MEF2D: variants seen among roughly 807,000 people sequenced by gnomAD.
MEF2D encodes myocyte-specific enhancer factor 2D.
Under a neutral mutation model 59.3 loss-of-function variants are expected in MEF2D, and 10 were observed. The observed-to-expected ratio is 0.17, with a 90% CI of 0.10 to 0.29. The LOEUF (loss-of-function observed/expected upper bound fraction) is 0.29. Among genes scored for constraint, MEF2D ranks in the 10% least tolerant of loss-of-function variants. The pLI is 1.00. For missense variants in MEF2D, 508 were observed against 699.4 expected (o/e 0.73, Z 3.09); for synonymous variants, 305 against 295.0 (o/e 1.03, Z -0.35).
At chr1:156,486,646 A>G (rs1414413642) in intron 1 of MEF2D, among the ~76,000 whole-genome samples, 1 of 152,138 alleles carries the variant, frequency 6.6e-6, no homozygotes, top group Admixed American at 6.5e-5. Context: ...TGTTCTCATG[A>G]CCCTCAGAAA....
At chr1:156,498,118 A>AAAC (rs1045584673) in intron 1 of MEF2D, among the ~76,000 whole-genome samples, 1 of 151,042 alleles carries the variant, frequency 6.6e-6, no homozygotes, top group African/African-American at 2.4e-5. Flanking sequence ...AAAAAAAAAA[A>AAAC]AAAAAAAAAC....
intron 1 of MEF2D, among the ~76,000 whole-genome samples, chr1:156,492,815 C>T (rs981093694): frequency 3.9e-5 from 6 of 152,132 alleles, no homozygotes; most frequent in African/African-American, 9.7e-5. Flanking sequence ...GCCTTGGGGG[C>T]GGGTCAGCTT....
intron 1 of MEF2D, chr1:156,499,418 T>TGA (rs1202844876): frequency 6.6e-6 from 1 of 151,856 alleles, no homozygotes; most frequent in Non-Finnish European, 1.5e-5. Context: ...AGGCTCCCAT[T>TGA]CAGAAGGGCA....
chr1:156,474,640 C>T (rs1450261388), intron 9 of MEF2D, among the ~76,000 whole-genome samples: 1 of 151,218 alleles, frequency 6.6e-6, no homozygotes, highest in East Asian at 2.0e-4. Flanking sequence ...GAGACCTTGT[C>T]TGTACAAAAA....
chr1:156,480,712 G>T, intron 4 of MEF2D, 122 bp downstream of exon 4: 2 of 1,609,980 alleles, frequency 1.2e-6, no homozygotes, highest in Middle Eastern at 1.7e-4. Context: ...CTTCCGTCTG[G>T]GGGGTCAGGG....
At chr1:156,489,249 TC>T (rs1672585621) in intron 1 of MEF2D, among the ~76,000 whole-genome samples, 1 of 151,926 alleles carries the variant, frequency 6.6e-6, no homozygotes, top group African/African-American at 2.4e-5. Flanking sequence ...TCCCGCCCCT[TC>T]CCTGTGGCTG....
At position 156,464,993 on chromosome 1, in the gene MEF2D, T is replaced by G. The variant is rs1187024157; in HGVS notation, c.*2652A>C. On this transcript the variant is annotated 3_prime_UTR_variant, in exon 12 of 12. Transcript: ENST00000348159. ...AACTATTCACCCATTCAGCATTTAT[T>G]GAGTGCCTACTATGTGCCAGGCACT... 6.6e-6 allele frequency: 1 copy of G among 152,298 alleles called. No homozygotes were observed. The highest frequency in any genetic ancestry group is 2.4e-5 in the African/African-American group (1 of 41,468). 9.4% of individuals were successfully genotyped at this position (152,298 alleles called of 1,614,324 possible).
At position 156,468,400 on chromosome 1, in the gene MEF2D, G is replaced by C. The variant is rs1352687190; in HGVS notation, c.1248-101C>G. The stretch of plus-strand genomic sequence containing the variant: ...CCAGACAGAAAGTGAGAGAGAACAA[G>C]AGGATGAGAATATGGGGGATGGGGT... On this transcript the variant is annotated intron_variant, in intron 10 of 11. Coordinates refer to ENST00000348159, the MANE Select transcript of MEF2D (RefSeq NM_005920.4). The surrounding 1 kb of genome is among the most constrained non-coding windows in gnomAD (Gnocchi z 4.3). The C allele has an allele frequency of 1.1e-6, 1 of 876,914 alleles. No homozygotes were observed. Among genetic ancestry groups the C allele is most frequent in the East Asian group, 2.6e-5 (1 of 38,246 alleles). 54.3% of individuals were successfully genotyped at this position (876,914 alleles called of 1,614,324 possible).
chr1:156,499,926 G>A (rs1389529676), intron 1 of MEF2D, among the ~76,000 whole-genome samples: 1 of 151,688 alleles, frequency 6.6e-6, no homozygotes, highest in East Asian at 1.9e-4. Context: ...CCACTACCCC[G>A]GTGTCATCTG....
rs769303264 is a variant in MEF2D, at chr1:156,468,336, A to G, written c.1248-37T>C. 11 of 1,441,164 alleles carry G rather than the reference A, an allele frequency of 7.6e-6. No individual in the cohort carries two copies. The highest frequency in any genetic ancestry group is 1.0e-5 in the Non-Finnish European group (11 of 1,064,584). 89.3% of individuals were successfully genotyped at this position (1,441,164 alleles called of 1,614,324 possible). On this transcript the variant is annotated intron_variant, in intron 10 of 11. Transcript: ENST00000348159. The surrounding 1 kb of genome is among the most constrained non-coding windows in gnomAD (Gnocchi z 4.3). ...CAATGGAAATGGGGTACAAGGGATA[A>G]AAACAGAGGGGGTGAGTGACAGAAC...
At position 156,487,681 on chromosome 1, in the gene MEF2D, A is replaced by G. The variant is rs368838876; in HGVS notation, c.-138-4251T>C. On this transcript the variant is annotated intron_variant, in intron 1 of 11. Transcript: ENST00000348159. ...CCTAGCTAAACTTCCCTCCTACCCA[A>G]TTAGGGAGGTTTTAATGAACACCTG... 1.2e-4 allele frequency among the ~76,000 whole-genome samples: 19 copies of G among 152,208 alleles called. No homozygotes were observed. In the East Asian group the frequency reaches 2.1e-3, roughly 17 times the overall value.
At chr1:156,474,983 G>C in intron 9 of MEF2D, 125 bp downstream of exon 9, 4 of 1,374,318 alleles carry the variant, frequency 2.9e-6, no homozygotes, top group South Asian at 2.7e-5. Context: ...AAGTAGGTGG[G>C]GGTTCCCCCA....
Position 156,475,157 on chromosome 1 carries a change from T to G in MEF2D, c.957A>C (p.Leu319Phe), listed in dbSNP as rs763010660. The part of the protein sequence containing the change: ...TPVVSVATPS[L>F]LSQGLPFSSM... ...AAGAGAAGGGGAGGCCCTGGCTGAG[T>G]AAACTCGGCGTTGCCACAGAAACCA... is the stretch of plus-strand genomic sequence containing the variant. Residue 319 changes from leucine (L) to phenylalanine (F), a missense_variant, in exon 9 of 12, where the codon TTA (leucine) becomes TTC (phenylalanine). Leu to Phe is a conservative substitution (Grantham distance 22, BLOSUM62 0). This residue lies in a region of MEF2D where 481 missense variants were observed against 584.7 expected (regional missense o/e 0.82). Coordinates refer to ENST00000348159, the MANE Select transcript of MEF2D (RefSeq NM_005920.4). 1 of 1,614,164 alleles carries G rather than the reference T, an allele frequency of 6.2e-7. No individual in the cohort carries two copies. Among genetic ancestry groups the G allele is most frequent in the Non-Finnish European group, 8.5e-7 (1 of 1,180,012 alleles).
intron 6 of MEF2D, among the ~76,000 whole-genome samples, chr1:156,477,856 C>T (rs975017678): frequency 4.6e-5 from 7 of 152,250 alleles, no homozygotes; most frequent in African/African-American, 1.7e-4. Flanking sequence ...ACACAGCCAC[C>T]ACCATAATTA....
At chr1:156,473,856 G>A (rs1671398954) in intron 9 of MEF2D, among the ~76,000 whole-genome samples, 1 of 152,086 alleles carries the variant, frequency 6.6e-6, no homozygotes, top group Admixed American at 6.5e-5. Context: ...AAAACTAGAG[G>A]AGAGACGCTG....
intron 6 of MEF2D, 62 bp downstream of exon 6, chr1:156,479,228 C>G: frequency 7.0e-7 from 1 of 1,430,074 alleles, no homozygotes; most frequent in Non-Finnish European, 9.5e-7. Context: ...ATCCTTGGAC[C>G]CCCTGAGGCC....
chr1:156,494,571 C>T (rs542024869), intron 1 of MEF2D, among the ~76,000 whole-genome samples: 3 of 152,266 alleles, frequency 2.0e-5, no homozygotes, highest in African/African-American at 4.8e-5. Flanking sequence ...CTCCTCAATC[C>T]CTACCCTGGA....
intron 9 of MEF2D, 21 bp downstream of exon 9, chr1:156,475,087 A>G (rs375019719): frequency 3.9e-5 from 63 of 1,613,918 alleles, no homozygotes; most frequent in Non-Finnish European, 5.3e-5. Flanking sequence ...GCACACATGC[A>G]CATGTCACAT....
intron 1 of MEF2D, among the ~76,000 whole-genome samples, chr1:156,496,250 A>G (rs1673122279): frequency 6.6e-6 from 1 of 152,230 alleles, no homozygotes; most frequent in Non-Finnish European, 1.5e-5. Flanking sequence ...GATGCCTCAC[A>G]GTGGCCTTGC....
Sources: allele counts gnomAD v4.1 joint callset (sites outside exome capture counted in the v4.1 genomes callset), GRCh38; gene constraint gnomAD v4.1.1; regional missense constraint gnomAD v4.1.1; non-coding constraint Gnocchi (gnomAD v3.1); transcripts MANE v1.5; gene names NCBI Gene and HGNC (gene_info 2026-07-23, HGNC 2026-07-21).